CNKSR2: variants seen among roughly 807,000 people sequenced by gnomAD.
The protein encoded by CNKSR2 is connector enhancer of kinase suppressor of Ras 2.
Under a neutral mutation model 84.4 loss-of-function variants are expected in CNKSR2, and 14 were observed. That is an observed-to-expected ratio of 0.17 (90% CI 0.11 to 0.26). The LOEUF (loss-of-function observed/expected upper bound fraction) is 0.26, where lower values mean the gene tolerates loss of function less well. CNKSR2 is among the 10% of genes least tolerant of loss of function. CNKSR2 has a pLI of 1.00. For missense variants in CNKSR2, 485 were observed against 771.2 expected (o/e 0.63, Z 4.40); for synonymous variants, 275 against 277.9 (o/e 0.99, Z 0.10).
intron 13 of CNKSR2, among the ~76,000 whole-genome samples, chrX:21,568,124 C>A (rs1275081454): frequency 9.0e-6 from 1 of 110,506 alleles, no homozygotes; most frequent in Non-Finnish European, 1.9e-5. Flanking sequence ...CCCATCTCTA[C>A]AAAAAATACA....
At position 21,606,913 on chromosome X, in the gene CNKSR2, G is replaced by A. The variant is rs376337014; in HGVS notation, c.2145+34G>A. The A allele has an allele frequency of 4.0e-6, 3 of 759,214 alleles. No homozygotes were observed. In the African/African-American group the frequency reaches 6.3e-5, roughly 16 times the overall value. 62.6% of individuals were successfully genotyped at this position (759,214 alleles called of 1,213,427 possible). The stretch of plus-strand genomic sequence containing the variant: ...GCAACAAGAACATTACTTATCACCA[G>A]ATTCTTCTACCTGAAACATCCTTTT... On this transcript the variant is annotated intron_variant, in intron 19 of 21. Transcript: ENST00000379510.
chrX:21,510,969 A>G (rs1378566362), intron 8 of CNKSR2, among the ~76,000 whole-genome samples: 1 of 111,810 alleles, frequency 8.9e-6, no homozygotes, highest in African/African-American at 3.2e-5. Context: ...AAAAATGCAT[A>G]TGGTGGTTTT....
intron 11 of CNKSR2, among the ~76,000 whole-genome samples, chrX:21,547,269 C>A (rs983309022): frequency 9.0e-6 from 1 of 111,054 alleles, no homozygotes; most frequent in Admixed American, 9.6e-5. Flanking sequence ...AAAAAAAAAG[C>A]AGGAGTTGCA....
At chrX:21,440,629 T>C in intron 3 of CNKSR2, 65 bp from the exon 4 acceptor site, 1 of 503,348 alleles carries the variant, frequency 2.0e-6, no homozygotes, top group East Asian at 3.8e-5. Flanking sequence ...CATTTTAGGC[T>C]ACTATATTTT....
At chrX:21,632,550 T>G (rs532390765) in intron 20 of CNKSR2, among the ~76,000 whole-genome samples, 2 of 112,252 alleles carry the variant, frequency 1.8e-5, no homozygotes, top group African/African-American at 6.5e-5. Flanking sequence ...TGGTTTTGTG[T>G]GTACTGTATT....
intron 1 of CNKSR2, among the ~76,000 whole-genome samples, chrX:21,402,628 T>C (rs1449677371): frequency 3.6e-5 from 4 of 111,034 alleles, no homozygotes; most frequent in Non-Finnish European, 7.6e-5. Flanking sequence ...TAAATAAATA[T>C]TTTTATATTT....
At chrX:21,490,631 A>G (rs1425896143) in intron 6 of CNKSR2, 53 bp downstream of exon 6, 1 of 1,120,720 alleles carries the variant, frequency 8.9e-7, no homozygotes, top group Admixed American at 2.5e-5. Flanking sequence ...AGAGCTAATG[A>G]TGTGGACAAA....
rs918829068 is a variant in CNKSR2 at position 21,609,289 on chromosome X, C to T, written c.2364C>T (p.Pro788=). 1.7e-6 allele frequency: 2 copies of T among 1,211,542 alleles called. No homozygotes were observed. Among genetic ancestry groups the T allele is most frequent in the African/African-American group, 3.5e-5 (2 of 57,742 alleles). ...GCTTACACTATCTTCAGACTCTGCC[C>T]CTGGAGGATTCTGTCTTCTCTGACT... ...SSGLHYLQTL[P]LEDSVFSDSA... is the part of the protein sequence containing the mutation. The change falls in exon 20 of 22, where the codon CCC becomes CCT. Residue 788 remains proline (P), a synonymous_variant. Transcript: ENST00000379510.
intron 17 of CNKSR2, among the ~76,000 whole-genome samples, chrX:21,596,952 A>C (rs1271041163): frequency 9.0e-6 from 1 of 111,648 alleles, no homozygotes; most frequent in Non-Finnish European, 1.9e-5. Context: ...TTATAATTCC[A>C]CTGTTCTAGT....
intron 13 of CNKSR2, among the ~76,000 whole-genome samples, chrX:21,583,646 A>T (rs750298825): frequency 8.9e-6 from 1 of 112,236 alleles, no homozygotes; most frequent in African/African-American, 3.2e-5. Context: ...ACAAGAGAGT[A>T]CTTTGATTGC....
intron 11 of CNKSR2, among the ~76,000 whole-genome samples, chrX:21,539,693 A>G (rs771806131): frequency 1.4e-4 from 16 of 111,479 alleles, no homozygotes; most frequent in African/African-American, 4.6e-4. Context: ...TATAGTGTCA[A>G]TTGGGTAGGG....
intron 1 of CNKSR2, among the ~76,000 whole-genome samples, chrX:21,411,874 C>T (rs775653889): frequency 9.0e-5 from 10 of 111,400 alleles, no homozygotes; most frequent in Non-Finnish European, 1.7e-4. Context: ...GGGCCATGTC[C>T]GTTTCTGCTC....
At chrX:21,630,415 C>A (rs1241371433) in intron 20 of CNKSR2, among the ~76,000 whole-genome samples, 1 of 111,953 alleles carries the variant, frequency 8.9e-6, no homozygotes, top group South Asian at 3.7e-4. Flanking sequence ...TGAGTACTTA[C>A]TATGTGTCAG....
At position 21,572,624 on chromosome X, in the gene CNKSR2, C is replaced by G. The variant is rs139308300; in HGVS notation, c.1608+9172C>G. Among the ~76,000 whole-genome samples, 1,077 of 111,447 alleles carry G rather than the reference C, an allele frequency of 9.7e-3. 13 individuals carry two copies. Among genetic ancestry groups the G allele is most frequent in the African/African-American group, 0.032 (974 of 30,609 alleles). ...CTTCACATGGCGACAGCAAGGAAAA[C>G]CGCAGAGCAAAGCGGGAGAGGGGAA... On this transcript the variant is annotated intron_variant, in intron 13 of 21. Transcript: ENST00000379510.
chrX:21,499,842 A>G (rs754772455), intron 7 of CNKSR2, among the ~76,000 whole-genome samples: 212 of 110,587 alleles, frequency 1.9e-3, no homozygotes, highest in Non-Finnish European at 3.3e-3. Context: ...CTAAAAATCT[A>G]TAATTTATAT....
At chrX:21,584,140 C>T (rs1244787156) in intron 13 of CNKSR2, among the ~76,000 whole-genome samples, 1 of 111,843 alleles carries the variant, frequency 8.9e-6, no homozygotes, top group Non-Finnish European at 1.9e-5. Context: ...CTGTTAAATG[C>T]ACTAAGACAA....
chrX:21,547,683 A>G (rs2092041201), intron 11 of CNKSR2, among the ~76,000 whole-genome samples: 1 of 112,014 alleles, frequency 8.9e-6, no homozygotes, highest in South Asian at 3.7e-4. Flanking sequence ...TTGGAAGTAA[A>G]ACACTCCTCA....
intron 12 of CNKSR2, 63 bp downstream of exon 12, chrX:21,561,623 C>A: frequency 2.5e-6 from 2 of 812,015 alleles, no homozygotes; most frequent in African/African-American, 2.0e-5. Context: ...TTTAAATGTT[C>A]TGTAAATAGA....
At chrX:21,491,491 A>ATAAC (rs2091442258) in intron 6 of CNKSR2, 1 of 112,289 alleles carries the variant, frequency 8.9e-6, no homozygotes, top group Admixed American at 9.4e-5. Context: ...ATACATCTAT[A>ATAAC]TAACTGTTCA....
Sources: allele counts gnomAD v4.1 joint callset (sites outside exome capture counted in the v4.1 genomes callset), GRCh38; gene constraint gnomAD v4.1.1; transcripts MANE v1.5; gene names NCBI Gene and HGNC (gene_info 2026-07-23, HGNC 2026-07-21).